Variants in EPB41 observed in about 807,000 individuals in gnomAD.
EPB41 encodes protein 4.1.
Under a neutral mutation model 108.0 loss-of-function variants are expected in EPB41, and 65 were observed. The observed-to-expected ratio is 0.60, with a 90% confidence interval of 0.49 to 0.74. The LOEUF (loss-of-function observed/expected upper bound fraction) is 0.74. Ranked by LOEUF, EPB41 falls within the 30% of genes least tolerant of loss-of-function variation. The probability of loss-of-function intolerance (pLI) is 0.00; values close to 1 mark genes in which losing one functional copy is unlikely to be tolerated. For synonymous variants in EPB41, 336 were observed against 358.9 expected, an observed-to-expected ratio of 0.94 and a Z score of 0.72; for missense variants, 875 against 1,037.0, an observed-to-expected ratio of 0.84 and a Z score of 2.15.
chr1:28,891,486 T>C (rs1360590581), intron 1 of EPB41, among the ~76,000 whole-genome samples: 2 of 152,192 alleles, frequency 1.3e-5, no homozygotes, highest in Non-Finnish European at 2.9e-5. Flanking sequence ...GCTAGAATCC[T>C]GGGTTGGCCA....
At chr1:29,100,232 G>C (rs1446210318) in intron 17 of EPB41, among the ~76,000 whole-genome samples, 1 of 151,434 alleles carries the variant, frequency 6.6e-6, no homozygotes, top group African/African-American at 2.4e-5. Flanking sequence ...ACTTTGGGAG[G>C]CCAAGGCAGG....
intron 1 of EPB41, among the ~76,000 whole-genome samples, chr1:28,941,766 G>A (rs575449514): frequency 4.6e-5 from 7 of 151,548 alleles, no homozygotes; most frequent in South Asian, 2.1e-4. Context: ...GTGGTGGTGC[G>A]TGCCTGTAAT....
chr1:29,102,366 C>T (rs909775527), intron 17 of EPB41, among the ~76,000 whole-genome samples: 1 of 151,932 alleles, frequency 6.6e-6, no homozygotes, highest in Non-Finnish European at 1.5e-5. Context: ...ATGTATATTG[C>T]AGCTATGTGT....
intron 1 of EPB41, among the ~76,000 whole-genome samples, chr1:28,908,677 G>A (rs904318788): frequency 6.0e-5 from 9 of 150,256 alleles, no homozygotes; most frequent in African/African-American, 1.9e-4. Context: ...TGATCCACCC[G>A]CCTCGGCCTC....
intron 1 of EPB41, among the ~76,000 whole-genome samples, chr1:28,921,972 TTTG>T (rs2093127953): frequency 4.9e-5 from 3 of 60,976 alleles, no homozygotes; most frequent in South Asian, 2.3e-3. Context: ...ACACTTTTTT[TTTG>T]TTTTTTTTTT....
At chr1:28,953,162 A>G (rs1464702699) in intron 1 of EPB41, among the ~76,000 whole-genome samples, 2 of 151,964 alleles carry the variant, frequency 1.3e-5, no homozygotes, top group Non-Finnish European at 1.5e-5. Flanking sequence ...AGTTTCTTTC[A>G]GTCCATAGGT....
intron 1 of EPB41, among the ~76,000 whole-genome samples, chr1:28,978,326 C>G (rs762251244): frequency 6.6e-6 from 1 of 151,370 alleles, no homozygotes; most frequent in African/African-American, 2.4e-5. Flanking sequence ...CACCATAATC[C>G]GAAATGTTAA....
intron 16 of EPB41, among the ~76,000 whole-genome samples, chr1:29,066,652 T>A (rs920383028): frequency 1.3e-5 from 2 of 152,110 alleles, no homozygotes; most frequent in African/African-American, 2.4e-5. Flanking sequence ...AGTAAAATGA[T>A]GTCTTAATAA....
At chr1:29,023,444 T>C (rs2096672608) in intron 7 of EPB41, among the ~76,000 whole-genome samples, 2 of 151,804 alleles carry the variant, frequency 1.3e-5, no homozygotes, top group South Asian at 4.2e-4. Flanking sequence ...TCCCAGCACT[T>C]TGGGGGGCCA....
At chr1:28,931,097 T>A (rs1462789942) in intron 1 of EPB41, among the ~76,000 whole-genome samples, 1 of 152,026 alleles carries the variant, frequency 6.6e-6, no homozygotes, top group East Asian at 1.9e-4. Flanking sequence ...AAGTTACATA[T>A]TTTAAAAAGC....
intron 1 of EPB41, among the ~76,000 whole-genome samples, chr1:28,905,984 A>G (rs1487064926): frequency 6.6e-6 from 1 of 151,788 alleles, no homozygotes; most frequent in Non-Finnish European, 1.5e-5. Context: ...TGCCTGGCTA[A>G]TTTTATGTAT....
chr1:28,950,469 T>C (rs963536256), intron 1 of EPB41, among the ~76,000 whole-genome samples: 9 of 152,244 alleles, frequency 5.9e-5, no homozygotes, highest in African/African-American at 2.2e-4. Flanking sequence ...GTTTAAGGCA[T>C]ACATCTATTT....
chr1:29,115,796 G>A lies in EPB41; in HGVS notation c.2594G>A (p.Ter865=), dbSNP rs760374473. 6.2e-7 allele frequency: 1 copy of A among 1,613,574 alleles called. No individual in the cohort carries two copies. Among genetic ancestry groups the A allele is most frequent in the South Asian group, 1.1e-5 (1 of 91,076 alleles). Reference sequence around the variant, plus strand: ...CAGGAGACCGAGATTGCTGATGAGTGAGCTCAGGTACTGGGCGTTCCTGCT... The same window carrying A: ...CAGGAGACCGAGATTGCTGATGAGTAAGCTCAGGTACTGGGCGTTCCTGCT... ...VHQETEIADE[*] The change falls in exon 20 of 21, where the codon TGA becomes TAA. Residue 865 remains the stop codon, a stop_retained_variant. Transcript: ENST00000343067. The surrounding 1 kb of genome is among the most constrained non-coding windows in gnomAD (Gnocchi z 4.4).
chr1:28,982,418 C>G, intron 1 of EPB41: 1 of 749,180 alleles, frequency 1.3e-6, no homozygotes, highest in South Asian at 1.3e-5. Flanking sequence ...ATCTTTGACC[C>G]CTTGGTGATC....
chr1:28,928,879 G>C (rs1292638437), intron 1 of EPB41, among the ~76,000 whole-genome samples: 1 of 152,152 alleles, frequency 6.6e-6, no homozygotes, highest in Non-Finnish European at 1.5e-5. Flanking sequence ...TGTTTCTAAG[G>C]AACAGTGCAA....
At chr1:29,058,049 T>C (rs1645854796) in intron 12 of EPB41, among the ~76,000 whole-genome samples, 1 of 152,240 alleles carries the variant, frequency 6.6e-6, no homozygotes, top group East Asian at 1.9e-4. Context: ...TTTAAGTATA[T>C]TGTTCAACTA....
chr1:28,911,081 C>A, upstream of EPB41: 1 of 985,324 alleles, frequency 1.0e-6, no homozygotes, highest in Non-Finnish European at 1.2e-6. Flanking sequence ...TTGCAGAAGT[C>A]TGAGAGGGCA....
chr1:29,080,345 G>T (rs752940126), intron 16 of EPB41, among the ~76,000 whole-genome samples: 9 of 151,064 alleles, frequency 6.0e-5, no homozygotes, highest in Non-Finnish European at 1.2e-4. Context: ...CAAATGATCC[G>T]CCCACCTTGG....
intron 15 of EPB41, among the ~76,000 whole-genome samples, chr1:29,061,572 G>GTTTTTTTTTTTTTTTTTT (rs34413393): frequency 7.8e-5 from 5 of 64,050 alleles, no homozygotes; most frequent in East Asian, 6.0e-4. Flanking sequence ...CCTGGCCTTT[G>GTTTTTTTTTTTTTTTTTT]TTTTTTTTTT....
Sources: gnomAD v4.1 joint callset for allele counts (sites outside exome capture counted in the v4.1 genomes callset) on GRCh38, gnomAD v4.1.1 for gene constraint, Gnocchi (gnomAD v3.1) non-coding constraint, MANE v1.5 for transcripts, NCBI Gene and HGNC (gene_info 2026-07-23, HGNC 2026-07-21) for gene names.